CABIN1: variants seen among roughly 807,000 people sequenced by gnomAD.
CABIN1 encodes the protein calcineurin binding protein 1.
CABIN1 carries 133 observed loss-of-function variants against 227.7 expected under a neutral mutation model. That is an observed-to-expected ratio of 0.58 (90% CI 0.51 to 0.67). The LOEUF (loss-of-function observed/expected upper bound fraction) is 0.67. CABIN1 is among the 30% of genes least tolerant of loss of function. The pLI is 0.00. For synonymous variants in CABIN1, 1,086 were observed against 1,155.1 expected (o/e 0.94, Z 1.21); for missense variants, 2,408 against 2,852.5 (o/e 0.84, Z 3.55).
intron 29 of CABIN1, among the ~76,000 whole-genome samples, chr22:24,158,482 A>G (rs1179660385): frequency 2.6e-5 from 4 of 152,264 alleles, no homozygotes; most frequent in Admixed American, 2.6e-4. Context: ...GTCATTTTGA[A>G]TGATGTTTTT....
At chr22:24,063,977 T>C in intron 14 of CABIN1, 58 bp from the exon 15 acceptor site, 5 of 1,608,598 alleles carry the variant, frequency 3.1e-6, no homozygotes, top group Non-Finnish European at 4.3e-6. Flanking sequence ...GTAAAGCATC[T>C]GGCACATCAT....
chr22:24,147,801 G>A (rs972728876), intron 29 of CABIN1, among the ~76,000 whole-genome samples: 1 of 152,136 alleles, frequency 6.6e-6, no homozygotes, highest in African/African-American at 2.4e-5. Flanking sequence ...AGAGCTTCCT[G>A]TTCTACATGC....
chr22:24,012,633 A>G (rs1457511343), intron 1 of CABIN1, among the ~76,000 whole-genome samples: 1 of 152,154 alleles, frequency 6.6e-6, no homozygotes, highest in Non-Finnish European at 1.5e-5. Flanking sequence ...ACTATATTCT[A>G]AGGGGTTTGG....
intron 5 of CABIN1, among the ~76,000 whole-genome samples, chr22:24,041,645 A>G (rs528559088): frequency 1.3e-5 from 2 of 152,338 alleles, no homozygotes; most frequent in Admixed American, 1.3e-4. Flanking sequence ...GCATAATAGT[A>G]TCAAAAACAA....
chr22:24,167,184 G>T lies in CABIN1; in HGVS notation c.5553G>T (p.Glu1851Asp). The T allele has an allele frequency of 1.2e-6, 2 of 1,611,272 alleles. No individual in the cohort carries two copies. The highest frequency in any genetic ancestry group is 1.7e-6 in the Non-Finnish European group (2 of 1,179,578). Residue 1851 changes from glutamate (E) to aspartate (D), a missense_variant, in exon 32 of 37, where the codon GAG (glutamate) becomes GAT (aspartate). Transcript: ENST00000263119. ...SRLSRKRKLL[E>D]DTESGKTLLL... ...TCAGCCGCAAGAGGAAGCTCCTGGA[G>T]GACACAGAGTCAGGCAAGACACTTC...
intron 8 of CABIN1, among the ~76,000 whole-genome samples, chr22:24,053,463 C>T (rs1390625767): frequency 6.6e-6 from 1 of 152,024 alleles, no homozygotes; most frequent in East Asian, 1.9e-4. Context: ...CTGCAACCTC[C>T]ACCTCCCAGG....
At chr22:24,109,244 G>A (rs1466128182) in intron 26 of CABIN1, among the ~76,000 whole-genome samples, 1 of 150,834 alleles carries the variant, frequency 6.6e-6, no homozygotes, top group African/African-American at 2.4e-5. Flanking sequence ...TTTTAGACAG[G>A]GTCTCGCTCT....
intron 1 of CABIN1, among the ~76,000 whole-genome samples, chr22:24,027,367 T>C (rs1231112106): frequency 6.6e-6 from 1 of 152,238 alleles, no homozygotes; most frequent in Non-Finnish European, 1.5e-5. Context: ...ACTTAACTTA[T>C]TTTTCTTGCC....
chr22:24,040,838 G>A (rs1011823078), intron 4 of CABIN1, among the ~76,000 whole-genome samples: 1 of 152,232 alleles, frequency 6.6e-6, no homozygotes. Flanking sequence ...TGCTGTAAAT[G>A]TTATTCGCTA....
intron 30 of CABIN1, among the ~76,000 whole-genome samples, chr22:24,165,146 C>T (rs987947283): frequency 3.3e-5 from 5 of 152,266 alleles, no homozygotes; most frequent in Non-Finnish European, 5.9e-5. Context: ...CATGCCTGCA[C>T]TGTCTCACCC....
In CABIN1 at chr22:24,035,512, CT is replaced by C. The variant is rs747896382; in HGVS notation, c.-5del. 1.2e-6 allele frequency: 2 copies of C among 1,614,168 alleles called. No individual in the cohort carries two copies. The highest frequency in any genetic ancestry group is 3.3e-5 in the Admixed American group (2 of 60,014). Reference sequence around the variant, plus strand: ...ATGCTCGTGGCAGTGCTGAATCTCTCTGAATATGGTAAGGACTGATGCCTGC... The same window carrying C: ...ATGCTCGTGGCAGTGCTGAATCTCTCGAATATGGTAAGGACTGATGCCTGC... On this transcript the variant is annotated 5_prime_UTR_variant, in exon 2 of 37. An upstream open reading frame in the 5' UTR loses its in-frame stop. Coordinates refer to ENST00000263119, the MANE Select transcript of CABIN1 (RefSeq NM_012295.4).
intron 29 of CABIN1, among the ~76,000 whole-genome samples, chr22:24,158,561 C>T (rs1040900608): frequency 4.6e-5 from 7 of 152,138 alleles, no homozygotes; most frequent in Non-Finnish European, 7.4e-5. Context: ...ACCCACTTTC[C>T]GCTCAGGACG....
Position 24,110,584 on chromosome 22 carries a change from C to G in CABIN1, c.4118-2982C>G, listed in dbSNP as rs139871324. Among the ~76,000 whole-genome samples, 73 of 152,244 alleles carry G rather than the reference C, an allele frequency of 4.8e-4. No homozygotes were observed. In the East Asian group the frequency reaches 0.013, roughly 27 times the overall value. On this transcript the variant is annotated intron_variant, in intron 26 of 36. Coordinates refer to ENST00000263119, the MANE Select transcript of CABIN1 (RefSeq NM_012295.4). Reference sequence around the variant, plus strand: ...ATTACCTTTAACATTTCTTGTAACTCAGATCTGCTGGTAATGAATTCTCTC... The same window carrying G: ...ATTACCTTTAACATTTCTTGTAACTGAGATCTGCTGGTAATGAATTCTCTC...
intron 20 of CABIN1, among the ~76,000 whole-genome samples, chr22:24,083,978 T>C (rs1007090297): frequency 6.6e-6 from 1 of 152,208 alleles, no homozygotes; most frequent in Non-Finnish European, 1.5e-5. Context: ...CACTAAAATG[T>C]AAGCTCCTTA....
At chr22:24,114,321 G>C (rs2042968205) in intron 27 of CABIN1, among the ~76,000 whole-genome samples, 1 of 152,190 alleles carries the variant, frequency 6.6e-6, no homozygotes, top group African/African-American at 2.4e-5. Flanking sequence ...ATCACAGGCA[G>C]GCTGGGGCTT....
chr22:24,122,496 T>C (rs1298249838), intron 28 of CABIN1, among the ~76,000 whole-genome samples: 2 of 151,922 alleles, frequency 1.3e-5, no homozygotes, highest in African/African-American at 2.4e-5. Context: ...TCACCTGAGG[T>C]CAGGAGTTCA....
intron 13 of CABIN1, 48 bp from the exon 14 acceptor site, chr22:24,062,911 A>G: frequency 6.3e-7 from 1 of 1,583,186 alleles, no homozygotes; most frequent in Non-Finnish European, 8.7e-7. Context: ...GCAGAAGGGC[A>G]TTAGAATGCT....
At chr22:24,165,497 C>G in intron 30 of CABIN1, 33 bp from the exon 31 acceptor site, 2 of 1,587,028 alleles carry the variant, frequency 1.3e-6, no homozygotes, top group Non-Finnish European at 1.7e-6. Flanking sequence ...AGATGCCCTC[C>G]TGTCCTCTCT....
chr22:24,045,595 G>A (rs1489650817), intron 6 of CABIN1, among the ~76,000 whole-genome samples: 7 of 150,646 alleles, frequency 4.6e-5, no homozygotes, highest in Admixed American at 3.3e-4. Context: ...GTGACAGAGC[G>A]AGACTCTGCC....
Sources: gnomAD v4.1 joint callset for allele counts (sites outside exome capture counted in the v4.1 genomes callset) on GRCh38, gnomAD v4.1.1 for gene constraint, MANE v1.5 for transcripts, NCBI Gene and HGNC (gene_info 2026-07-23, HGNC 2026-07-21) for gene names.